The following EPS8 variants were observed in gnomAD, a reference collection of about 807,000 sequenced individuals.
The protein encoded by EPS8 is EGFR pathway substrate 8, signaling adaptor.
A neutral mutation model predicts 103.8 loss-of-function variants in EPS8; 42 were observed. That is an observed-to-expected ratio of 0.40 (90% CI 0.32 to 0.52). The LOEUF (loss-of-function observed/expected upper bound fraction) is 0.52. EPS8 is among the 20% of genes least tolerant of loss of function. The pLI, the probability that EPS8 is intolerant of heterozygous loss-of-function variation, is 0.40. For synonymous variants in EPS8, 344 were observed against 344.6 expected, an observed-to-expected ratio of 1.00 and a Z score of 0.02; for missense variants, 969 against 1,005.1, an observed-to-expected ratio of 0.96 and a Z score of 0.49.
At chr12:15,739,142 C>A (rs1202221955) in intron 1 of EPS8, among the ~76,000 whole-genome samples, 1 of 152,124 alleles carries the variant, frequency 6.6e-6, no homozygotes, top group East Asian at 1.9e-4. Flanking sequence ...TTTACAATAA[C>A]CTGAGAATAG....
At chr12:15,667,317 A>G (rs1037785475) in intron 6 of EPS8, among the ~76,000 whole-genome samples, 22 of 152,320 alleles carry the variant, frequency 1.4e-4, no homozygotes, top group African/African-American at 4.8e-4. Context: ...TATTTAAAAG[A>G]GCATCTCATC....
rs1355149309 is a variant in EPS8, at chr12:15,787,644, A to T, written c.-22+1517T>A. On this transcript the variant is annotated intron_variant, in intron 1 of 20. Coordinates refer to ENST00000281172, the MANE Select transcript of EPS8 (RefSeq NM_004447.6). This position sits in a 1 kb window ranked among gnomAD's most constrained non-coding sequence, Gnocchi z 4.9. ...AGAATAGTAGAATTAAAAGCAAATT[A>T]TATTTTCCTTCTTTTTTTTCTGCTA... Among the ~76,000 whole-genome samples, 1 of 152,162 alleles carries T rather than the reference A, an allele frequency of 6.6e-6. No homozygotes were observed. The highest frequency in any genetic ancestry group is 2.4e-5 in the African/African-American group (1 of 41,436).
Position 15,698,979 on chromosome 12 carries a change from A to G in EPS8, c.-21-16007T>C, listed in dbSNP as rs771796128. Among the ~76,000 whole-genome samples, 22 of 152,154 alleles carry G rather than the reference A, an allele frequency of 1.4e-4. No homozygotes were observed. Among genetic ancestry groups the G allele is most frequent in the Non-Finnish European group, 2.6e-4 (18 of 68,026 alleles). On this transcript the variant is annotated intron_variant, in intron 1 of 20. Transcript: ENST00000281172. This position sits in a 1 kb window ranked among gnomAD's most constrained non-coding sequence, Gnocchi z 4.9. ...TTTGAAAAAATGTAAATGACCATCAATCTACTAATATAAATGGGCAAAGGA... is the reference window on the plus strand; with the variant it reads ...TTTGAAAAAATGTAAATGACCATCAGTCTACTAATATAAATGGGCAAAGGA...
rs1263418467 is a variant in EPS8, at chr12:15,693,237, A to G, written c.-21-10265T>C. On this transcript the variant is annotated intron_variant, in intron 1 of 20. Coordinates refer to ENST00000281172, the MANE Select transcript of EPS8 (RefSeq NM_004447.6). This position sits in a 1 kb window ranked among gnomAD's most constrained non-coding sequence, Gnocchi z 5.6. ...TCCCATTCCATGTTTAGAGAATGTA[A>G]AGCTGACTGCCAAAACTTTGGCAAT... 1.3e-5 allele frequency among the ~76,000 whole-genome samples: 2 copies of G among 152,172 alleles called. No homozygotes were observed. The highest frequency in any genetic ancestry group is 6.5e-5 in the Admixed American group (1 of 15,286).
Position 15,759,872 on chromosome 12 carries a change from A to G in EPS8, c.-22+29289T>C, listed in dbSNP as rs1285816004. 6.6e-6 allele frequency among the ~76,000 whole-genome samples: 1 copy of G among 151,950 alleles called. No individual in the cohort carries two copies. The highest frequency in any genetic ancestry group is 1.5e-5 in the Non-Finnish European group (1 of 67,874). On this transcript the variant is annotated intron_variant, in intron 1 of 20. Coordinates refer to ENST00000281172, the MANE Select transcript of EPS8 (RefSeq NM_004447.6). The surrounding 1 kb of genome is among the most constrained non-coding windows in gnomAD (Gnocchi z 4.9). ...GTGCCTACATCAAAAAAGAAGAAAAACTTCAAATAACCCAACAATGCATCT... is the reference window on the plus strand; with the variant it reads ...GTGCCTACATCAAAAAAGAAGAAAAGCTTCAAATAACCCAACAATGCATCT...
At chr12:15,672,409 T>C in intron 3 of EPS8, 2 of 398,158 alleles carry the variant, frequency 5.0e-6, no homozygotes, top group Non-Finnish European at 8.9e-6. Flanking sequence ...AGCATTAAAA[T>C]TACTTAATAA....
intron 3 of EPS8, among the ~76,000 whole-genome samples, chr12:15,673,551 T>C (rs1260556143): frequency 6.6e-6 from 1 of 152,138 alleles, no homozygotes; most frequent in Non-Finnish European, 1.5e-5. Context: ...CTCTCAACAC[T>C]ACTCAAGATG....
chr12:15,664,705 G>A (rs1416125283), intron 8 of EPS8, among the ~76,000 whole-genome samples: 1 of 152,156 alleles, frequency 6.6e-6, no homozygotes, highest in Non-Finnish European at 1.5e-5. Flanking sequence ...GATACCCTGT[G>A]TGAATAATAC....
At position 15,721,454 on chromosome 12, in the gene EPS8, C is replaced by T. The variant is rs1004776941; in HGVS notation, c.-21-38482G>A. 2.6e-5 allele frequency among the ~76,000 whole-genome samples: 4 copies of T among 152,110 alleles called. No homozygotes were observed. The highest frequency in any genetic ancestry group is 1.9e-4 in the East Asian group (1 of 5,190). On this transcript the variant is annotated intron_variant, in intron 1 of 20. Transcript: ENST00000281172. This position sits in a 1 kb window ranked among gnomAD's most constrained non-coding sequence, Gnocchi z 4.4. Reference sequence around the variant, plus strand: ...ACTACATAATACTCAGCTAAAAGAACGAGGTTTGTGGGGCTCAACAAAAAA... The same window carrying T: ...ACTACATAATACTCAGCTAAAAGAATGAGGTTTGTGGGGCTCAACAAAAAA...
At position 15,627,831 on chromosome 12, in the gene EPS8, T is replaced by G. The variant is rs1332439084; in HGVS notation, c.2045-3424A>C. Among the ~76,000 whole-genome samples the G allele has an allele frequency of 2.0e-5, 3 of 152,178 alleles. No homozygotes were observed. In the East Asian group the frequency reaches 5.8e-4, roughly 29 times the overall value. The stretch of plus-strand genomic sequence containing the variant: ...TGTATATATACATAGGTACATTATG[T>G]TCGTTGTTTGTTTTCACTTTCAAGA... On this transcript the variant is annotated intron_variant, in intron 18 of 20. Coordinates refer to ENST00000281172, the MANE Select transcript of EPS8 (RefSeq NM_004447.6).
At chr12:15,674,747 T>C (rs1275714038) in intron 3 of EPS8, among the ~76,000 whole-genome samples, 2 of 152,146 alleles carry the variant, frequency 1.3e-5, no homozygotes, top group African/African-American at 2.4e-5. Flanking sequence ...CCACATTCTA[T>C]CAAGCTGAAC....
intron 15 of EPS8, 57 bp downstream of exon 15, chr12:15,647,070 G>C (rs1810950964): frequency 3.3e-6 from 5 of 1,520,626 alleles, no homozygotes; most frequent in Non-Finnish European, 3.6e-6. Flanking sequence ...ACCTCTGTTA[G>C]CACTAGATCA....
At chr12:15,775,977 A>C (rs955373285) in intron 1 of EPS8, among the ~76,000 whole-genome samples, 1 of 152,192 alleles carries the variant, frequency 6.6e-6, no homozygotes, top group Admixed American at 6.5e-5. Context: ...ATCACAAGAA[A>C]GAACACTGGA....
chr12:15,688,463 C>G lies in EPS8; in HGVS notation c.-21-5491G>C, dbSNP rs1946125913. On this transcript the variant is annotated intron_variant, in intron 1 of 20. Coordinates refer to ENST00000281172, the MANE Select transcript of EPS8 (RefSeq NM_004447.6). The surrounding 1 kb of genome is among the most constrained non-coding windows in gnomAD (Gnocchi z 5.1). Reference sequence around the variant, plus strand: ...GTTTTCCTGCCCAAATGTTGCATTTCCCAAGACCAGCCTGGCTTGCCACGC... The same window carrying G: ...GTTTTCCTGCCCAAATGTTGCATTTGCCAAGACCAGCCTGGCTTGCCACGC... Among the ~76,000 whole-genome samples the G allele has an allele frequency of 6.6e-6, 1 of 152,066 alleles. No individual in the cohort carries two copies.
At chr12:15,766,204 G>A (rs1947094312) in intron 1 of EPS8, among the ~76,000 whole-genome samples, 1 of 151,520 alleles carries the variant, frequency 6.6e-6, no homozygotes, top group South Asian at 2.1e-4. Flanking sequence ...TTGGCCTGGC[G>A]CAGTGGCTCA....
Position 15,748,154 on chromosome 12 carries a change from C to T in EPS8, c.-22+41007G>A, listed in dbSNP as rs1017850391. Reference sequence around the variant, plus strand: ...ACAGTCAAATCTCAGAGCCTCTTATCCTCAGATTCCTTAACAGCAAAATGG... The same window carrying T: ...ACAGTCAAATCTCAGAGCCTCTTATTCTCAGATTCCTTAACAGCAAAATGG... On this transcript the variant is annotated intron_variant, in intron 1 of 20. Transcript: ENST00000281172. This position sits in a 1 kb window ranked among gnomAD's most constrained non-coding sequence, Gnocchi z 4.8. Among the ~76,000 whole-genome samples, 2 of 152,168 alleles carry T rather than the reference C, an allele frequency of 1.3e-5. No individual in the cohort carries two copies. The highest frequency in any genetic ancestry group is 2.9e-5 in the Non-Finnish European group (2 of 68,040).
rs1342993014 is a variant in EPS8, at chr12:15,641,833, A to T, written c.1569-3T>A. 2.0e-6 allele frequency: 3 copies of T among 1,485,802 alleles called. No individual in the cohort carries two copies. The highest frequency in any genetic ancestry group is 1.8e-6 in the Non-Finnish European group (2 of 1,084,430). The allele number at this position is 1,485,802 out of a possible 1,614,324, so 92.0% of individuals were successfully genotyped here. ...GTGTTTTGAGTGGTTCATAATTTCT[A>T]TAAAAAGAAAGAAAAAAGATTATTA... On this transcript the variant is annotated splice_region_variant and splice_polypyrimidine_tract_variant and intron_variant, in intron 15 of 20. Transcript: ENST00000281172.
At chr12:15,677,614 GATA>G (rs1466243036) in intron 3 of EPS8, among the ~76,000 whole-genome samples, 2 of 152,120 alleles carry the variant, frequency 1.3e-5, no homozygotes, top group Non-Finnish European at 2.9e-5. Context: ...ATTGTAAAAG[GATA>G]AATTTTACAT....
chr12:15,657,888 G>T (rs1565483650), intron 12 of EPS8, 191 bp downstream of exon 12: 2 of 535,906 alleles, frequency 3.7e-6, no homozygotes, highest in Non-Finnish European at 6.6e-6. Flanking sequence ...TATAAAATAA[G>T]GTGCTTAAAC....
Sources: gnomAD v4.1 joint callset for allele counts (sites outside exome capture counted in the v4.1 genomes callset) on GRCh38, gnomAD v4.1.1 for gene constraint, Gnocchi (gnomAD v3.1) non-coding constraint, MANE v1.5 for transcripts, NCBI Gene and HGNC (gene_info 2026-07-23, HGNC 2026-07-21) for gene names.